The following DOCK1 variants were observed in gnomAD, a reference collection of about 807,000 sequenced individuals.
DOCK1 encodes the protein dedicator of cytokinesis protein 1.
In DOCK1, 138 loss-of-function variants were observed where a neutral mutation model predicts 262.7. The ratio of observed to expected loss-of-function variants is 0.53; its 90% confidence interval spans 0.46 to 0.61. The LOEUF is 0.61. Ranked by LOEUF, DOCK1 falls within the 20% of genes least tolerant of loss-of-function variation. The probability of loss-of-function intolerance (pLI) is 0.00; values close to 1 mark genes in which losing one functional copy is unlikely to be tolerated. For synonymous variants in DOCK1, 866 were observed against 867.4 expected (o/e 1.00, Z 0.03); for missense variants, 1,908 against 2,370.7 (o/e 0.80, Z 4.05).
chr10:127,104,514 C>T (rs1042129161), intron 23 of DOCK1, among the ~76,000 whole-genome samples: 6 of 152,140 alleles, frequency 3.9e-5, no homozygotes, highest in African/African-American at 1.2e-4. Flanking sequence ...ATCCATCAAC[C>T]GTCTGTATAT....
At chr10:126,932,071 TG>T (rs2134187287) in intron 1 of DOCK1, among the ~76,000 whole-genome samples, 1 of 152,290 alleles carries the variant, frequency 6.6e-6, no homozygotes, top group African/African-American at 2.4e-5. Context: ...GTATTGGATG[TG>T]TGGATTCTGG....
At chr10:126,920,054 AC>A (rs2033023822) in intron 1 of DOCK1, among the ~76,000 whole-genome samples, 2 of 151,816 alleles carry the variant, frequency 1.3e-5, no homozygotes, top group Non-Finnish European at 2.9e-5. Context: ...AACTCCCTCC[AC>A]CCCGGCTGTG....
chr10:127,003,209 C>T (rs531246776), intron 10 of DOCK1, among the ~76,000 whole-genome samples: 3,569 of 122,430 alleles, frequency 0.029, 146 homozygotes, highest in African/African-American at 0.088. Flanking sequence ...CATGAACCTG[C>T]GTGAACCTGT....
intron 27 of DOCK1, among the ~76,000 whole-genome samples, chr10:127,204,348 G>A (rs1204758363): frequency 6.6e-6 from 1 of 152,196 alleles, no homozygotes; most frequent in Admixed American, 6.5e-5. Context: ...GTGCAGTGAT[G>A]TGATGTTGGC....
At chr10:127,262,244 GTGTGTGTACCTGCA>G (rs1318656167) in intron 29 of DOCK1, among the ~76,000 whole-genome samples, 2 of 150,814 alleles carry the variant, frequency 1.3e-5, no homozygotes, top group African/African-American at 2.4e-5. Flanking sequence ...GTGCTCATCT[GTGTGTGTACCTGCA>G]TGTGTGTGCA....
In DOCK1 at chr10:127,394,328, T is replaced by C. The variant is rs2066684178; in HGVS notation, c.3928-8727T>C. 2.0e-5 allele frequency among the ~76,000 whole-genome samples: 3 copies of C among 148,748 alleles called. No homozygotes were observed. In the South Asian group the frequency reaches 6.4e-4, roughly 32 times the overall value. ...TTAAAATAACCTTCCCTTGACAAAGTTCACACTTTGCCTTGCACCAATGTA... is the reference window on the plus strand; with the variant it reads ...TTAAAATAACCTTCCCTTGACAAAGCTCACACTTTGCCTTGCACCAATGTA... On this transcript the variant is annotated intron_variant, in intron 38 of 51. Transcript: ENST00000623213.
At chr10:126,941,932 T>G in intron 1 of DOCK1, among the ~76,000 whole-genome samples, 1 of 152,336 alleles carries the variant, frequency 6.6e-6, no homozygotes, top group Admixed American at 6.5e-5. Flanking sequence ...TTATTCTCTT[T>G]TAAGCTGCTT....
At chr10:127,250,421 T>G (rs1446869099) in intron 28 of DOCK1, among the ~76,000 whole-genome samples, 2 of 151,974 alleles carry the variant, frequency 1.3e-5, no homozygotes, top group Non-Finnish European at 2.9e-5. Context: ...GTGGTCCCAA[T>G]TTCCCAGGGG....
intron 29 of DOCK1, among the ~76,000 whole-genome samples, chr10:127,288,773 T>TCACACACACA (rs3221847): frequency 1.0e-4 from 15 of 143,508 alleles, no homozygotes; most frequent in South Asian, 4.4e-4. Flanking sequence ...TGTATATATT[T>TCACACACACA]CACACACACA....
Position 127,023,200 on chromosome 10 carries a change from G to A in DOCK1, c.1328G>A (p.Gly443Asp), listed in dbSNP as rs757225154. 13 of 1,613,206 alleles carry A rather than the reference G, an allele frequency of 8.1e-6. No individual in the cohort carries two copies. Among genetic ancestry groups the A allele is most frequent in the African/African-American group, 2.7e-5 (2 of 74,860 alleles). The stretch of plus-strand genomic sequence containing the variant: ...AAATGTATGATTTCTCCCCCCTCAG[G>A]TGATGTTCGAAATGATATCTATGTA... ...KTGFPEIIMP[G>D]DVRNDIYVTL... Residue 443 changes from glycine to aspartate, a missense_variant and splice_region_variant, in exon 14 of 52, where the codon GGT becomes GAT. Transcript: ENST00000623213.
At chr10:127,451,245 G>A in intron 51 of DOCK1, 87 bp from the exon 52 acceptor site, 1 of 1,428,336 alleles carries the variant, frequency 7.0e-7, no homozygotes, top group Non-Finnish European at 9.6e-7. Flanking sequence ...CTGAGTGGCT[G>A]TGCCAGGTCA....
chr10:127,111,574 C>T (rs2048867097), intron 25 of DOCK1, among the ~76,000 whole-genome samples: 1 of 152,104 alleles, frequency 6.6e-6, no homozygotes, highest in Non-Finnish European at 1.5e-5. Context: ...CTTGGGTACT[C>T]TAGGGGGCTT....
intron 38 of DOCK1, among the ~76,000 whole-genome samples, chr10:127,400,964 G>A (rs2067189006): frequency 1.3e-5 from 2 of 152,186 alleles, no homozygotes; most frequent in Non-Finnish European, 2.9e-5. Context: ...CTGCTAAGGT[G>A]TAGACTGCTC....
rs141792612 is a variant in DOCK1, at chr10:127,017,159, A to AAC, written c.1202-1535_1202-1534dup. 8.4e-3 allele frequency among the ~76,000 whole-genome samples: 1,226 copies of AAC among 145,568 alleles called. 16 individuals are homozygous for AAC. The highest frequency in any genetic ancestry group is 0.027 in the African/African-American group (1,059 of 39,094). On this transcript the variant is annotated intron_variant, in intron 12 of 51. Coordinates refer to ENST00000623213, the MANE Select transcript of DOCK1 (RefSeq NM_001290223.2). ...TACACACACAGATACAGACACCACA[A>AAC]ACACACACACACACACAGATACACC...
chr10:126,940,314 A>G (rs2134244341), intron 1 of DOCK1, among the ~76,000 whole-genome samples: 1 of 152,370 alleles, frequency 6.6e-6, no homozygotes, highest in South Asian at 2.1e-4. Flanking sequence ...GAAGACATCC[A>G]TGCAAACCAT....
intron 29 of DOCK1, among the ~76,000 whole-genome samples, chr10:127,281,103 A>G (rs551263873): frequency 6.6e-6 from 1 of 152,188 alleles, no homozygotes; most frequent in African/African-American, 2.4e-5. Flanking sequence ...TGTGTTTCCA[A>G]CGTGGCTGGA....
At chr10:127,173,303 A>G (rs1330428888) in intron 27 of DOCK1, among the ~76,000 whole-genome samples, 2 of 152,202 alleles carry the variant, frequency 1.3e-5, no homozygotes, top group African/African-American at 4.8e-5. Context: ...ACAGAGACAT[A>G]CAGCCCTTGC....
intron 27 of DOCK1, among the ~76,000 whole-genome samples, chr10:127,241,875 C>A (rs776206619): frequency 1.3e-5 from 2 of 152,096 alleles, no homozygotes; most frequent in Non-Finnish European, 2.9e-5. Context: ...AGTTGGAGAG[C>A]CCCTCACTGG....
chr10:127,194,625 T>G (rs551275536), intron 27 of DOCK1, among the ~76,000 whole-genome samples: 11 of 152,286 alleles, frequency 7.2e-5, no homozygotes, highest in Middle Eastern at 3.4e-3. Flanking sequence ...GTGAGTGGTA[T>G]TTTTTCATCA....
Sources: gnomAD v4.1 joint callset for allele counts (sites outside exome capture counted in the v4.1 genomes callset) on GRCh38, gnomAD v4.1.1 for gene constraint, MANE v1.5 for transcripts, NCBI Gene and HGNC (gene_info 2026-07-23, HGNC 2026-07-21) for gene names.